Variants in EXOC5 observed in about 807,000 individuals in gnomAD.
The protein encoded by EXOC5 is SEC10-like 1.
EXOC5 carries 17 observed loss-of-function variants against 90.8 expected under a neutral mutation model. The observed-to-expected ratio is 0.19, with a 90% CI of 0.13 to 0.28. The LOEUF (loss-of-function observed/expected upper bound fraction) is 0.28, where lower values mean the gene tolerates loss of function less well. Ranked by LOEUF, EXOC5 falls within the 10% of genes least tolerant of loss-of-function variation. The probability of loss-of-function intolerance (pLI) is 1.00; values close to 1 mark genes in which losing one functional copy is unlikely to be tolerated. For synonymous variants in EXOC5, 260 were observed against 270.0 expected, an observed-to-expected ratio of 0.96 and a Z score of 0.36; for missense variants, 569 against 830.6, an observed-to-expected ratio of 0.69 and a Z score of 3.87.
Position 57,205,818 on chromosome 14 carries a change from T to C in EXOC5, c.*2791A>G, listed in dbSNP as rs1408709345. 2.3e-6 allele frequency: 1 copy of C among 441,196 alleles called. No individual in the cohort carries two copies. Among genetic ancestry groups the C allele is most frequent in the African/African-American group, 2.0e-5 (1 of 48,828 alleles). 27.3% of individuals were successfully genotyped at this position (441,196 alleles called of 1,614,324 possible). A position where few individuals can be genotyped will look rare whatever the true frequency, so the allele number is the denominator to read the frequency against. On this transcript the variant is annotated 3_prime_UTR_variant, in exon 18 of 18. Transcript: ENST00000621441. Reference sequence around the variant, plus strand: ...AAATTAGATTTTAATTTAACCTACTTTGATAGTTTTTTAAAACAAGGAAGA... The same window carrying C: ...AAATTAGATTTTAATTTAACCTACTCTGATAGTTTTTTAAAACAAGGAAGA...
At chr14:57,268,444 T>TC in intron 1 of EXOC5, 178 bp downstream of exon 1, 1 of 1,412,670 alleles carries the variant, frequency 7.1e-7, no homozygotes, top group Non-Finnish European at 9.3e-7. Flanking sequence ...CAAGCACCCC[T>TC]CCCCCATTTC....
In EXOC5 at chr14:57,202,397, TA is replaced by T. The variant is rs1882533586; in HGVS notation, c.*6211del. On this transcript the variant is annotated 3_prime_UTR_variant, in exon 18 of 18. Transcript: ENST00000621441. Reference sequence around the variant, plus strand: ...CAATGTTAACTTCCCAATTTTCATGTATTGTAGTTATACTGAAGCATTCTTT... The same window carrying T: ...CAATGTTAACTTCCCAATTTTCATGTTTGTAGTTATACTGAAGCATTCTTT... The T allele has an allele frequency of 6.6e-6, 1 of 152,200 alleles. No individual in the cohort carries two copies. The highest frequency in any genetic ancestry group is 2.4e-5 in the African/African-American group (1 of 41,448). 9.4% of individuals were successfully genotyped at this position (152,200 alleles called of 1,614,324 possible). A position where few individuals can be genotyped will look rare whatever the true frequency, so the allele number is the denominator to read the frequency against.
chr14:57,210,158 AT>A, intron 15 of EXOC5, 97 bp from the exon 16 acceptor site: 2 of 601,512 alleles, frequency 3.3e-6, no homozygotes, highest in Non-Finnish European at 5.8e-6. Context: ...CAGTTATTTA[AT>A]TTCCTATCAC....
At chr14:57,220,673 A>G (rs1883105432) in intron 13 of EXOC5, among the ~76,000 whole-genome samples, 1 of 152,028 alleles carries the variant, frequency 6.6e-6, no homozygotes, top group Admixed American at 6.6e-5. Flanking sequence ...AGTGGCATGC[A>G]CCTGTAGTTA....
intron 3 of EXOC5, among the ~76,000 whole-genome samples, chr14:57,244,736 GAAT>G (rs1347064507): frequency 6.6e-6 from 1 of 152,042 alleles, no homozygotes; most frequent in African/African-American, 2.4e-5. Context: ...AAACTGAAAA[GAAT>G]AAAAAATATG....
chr14:57,245,084 C>A (rs548844324), intron 3 of EXOC5, among the ~76,000 whole-genome samples: 24 of 151,422 alleles, frequency 1.6e-4, no homozygotes, highest in African/African-American at 5.1e-4. Flanking sequence ...TAAAATAGTT[C>A]TTTCCCAGTT....
intron 15 of EXOC5, chr14:57,211,661 G>A (rs1594646065): frequency 6.6e-6 from 1 of 152,402 alleles, no homozygotes; most frequent in Middle Eastern, 3.4e-3. Flanking sequence ...TCACTTGAGG[G>A]CAGGAGTTCG....
At chr14:57,209,498 G>C in intron 17 of EXOC5, 69 bp downstream of exon 17, 1 of 808,826 alleles carries the variant, frequency 1.2e-6, no homozygotes, top group East Asian at 2.6e-5. Context: ...TAAGTAAATA[G>C]TGATTTTTAA....
At chr14:57,268,147 T>C (rs112426924) in intron 1 of EXOC5, 4,149 of 169,770 alleles carry the variant, frequency 0.024, 201 homozygotes, top group African/African-American at 0.093. Flanking sequence ...ACCTTACTAA[T>C]GGAATAATTA....
intron 15 of EXOC5, among the ~76,000 whole-genome samples, chr14:57,212,978 G>A (rs185312117): frequency 6.8e-4 from 104 of 152,186 alleles, no homozygotes; most frequent in African/African-American, 2.4e-3. Flanking sequence ...TTTCAGCACA[G>A]AGTTTCTCCT....
chr14:57,231,150 A>AG (rs746806792), intron 11 of EXOC5, among the ~76,000 whole-genome samples: 34 of 151,922 alleles, frequency 2.2e-4, no homozygotes, highest in Non-Finnish European at 4.1e-4. Flanking sequence ...CTGGGATTAC[A>AG]GGTGTCTGCC....
intron 4 of EXOC5, among the ~76,000 whole-genome samples, chr14:57,241,949 T>C (rs553259179): frequency 5.9e-5 from 9 of 151,742 alleles, no homozygotes; most frequent in East Asian, 2.0e-4. Context: ...CTGGCTAACA[T>C]GGTGAAACCC....
At chr14:57,267,974 T>C (rs370358790) in intron 1 of EXOC5, among the ~76,000 whole-genome samples, 10 of 152,144 alleles carry the variant, frequency 6.6e-5, no homozygotes, top group Non-Finnish European at 1.2e-4. Context: ...TGTATTATTA[T>C]GTATTACATG....
At chr14:57,231,418 T>C (rs1594662064) in intron 11 of EXOC5, 88 bp downstream of exon 11, 2 of 810,640 alleles carry the variant, frequency 2.5e-6, no homozygotes, top group Non-Finnish European at 3.9e-6. Context: ...AAAATTCTAA[T>C]GATAGTCAAC....
intron 4 of EXOC5, among the ~76,000 whole-genome samples, chr14:57,241,136 G>A (rs1267145087): frequency 6.6e-6 from 1 of 152,166 alleles, no homozygotes; most frequent in Non-Finnish European, 1.5e-5. Flanking sequence ...TTACAGGCTT[G>A]AGACACCACG....
At chr14:57,260,983 A>C (rs1884487226) in intron 1 of EXOC5, among the ~76,000 whole-genome samples, 1 of 152,236 alleles carries the variant, frequency 6.6e-6, no homozygotes, top group Non-Finnish European at 1.5e-5. Context: ...AACAAGTGAA[A>C]GAATCATTTG....
At chr14:57,246,372 A>C (rs1007406590) in intron 3 of EXOC5, among the ~76,000 whole-genome samples, 4 of 152,192 alleles carry the variant, frequency 2.6e-5, no homozygotes, top group Admixed American at 6.5e-5. Context: ...ATGACTACCT[A>C]AATATCCAAG....
chr14:57,252,314 C>T (rs145048030), intron 1 of EXOC5, among the ~76,000 whole-genome samples: 1 of 152,266 alleles, frequency 6.6e-6, no homozygotes, highest in East Asian at 1.9e-4. Flanking sequence ...AACGAAGTAT[C>T]AGCAAGCCAA....
In EXOC5 at chr14:57,244,250, G is replaced by A; in HGVS notation, c.380C>T (p.Ala127Val). ...LEGVNTPRQR[A>V]VEAQKLMKYF... ...TTTCATCAATTTCTGAGCCTCCACT[G>A]CCCGTTGTCTGGGTGTGTTTACCCC... The change falls in exon 4 of 18, where the codon GCA (alanine) becomes GTA (valine). Residue 127 changes from alanine (A) to valine (V), a missense_variant. Physicochemically the swap from Ala to Val is moderately conservative, Grantham distance 64. Coordinates refer to ENST00000621441, the MANE Select transcript of EXOC5 (RefSeq NM_006544.4). The A allele has an allele frequency of 6.2e-7, 1 of 1,613,164 alleles. No individual in the cohort carries two copies. Among genetic ancestry groups the A allele is most frequent in the Non-Finnish European group, 8.5e-7 (1 of 1,179,180 alleles).
Sources: allele counts gnomAD v4.1 joint callset (sites outside exome capture counted in the v4.1 genomes callset), GRCh38; gene constraint gnomAD v4.1.1; transcripts MANE v1.5; gene names NCBI Gene and HGNC (gene_info 2026-07-23, HGNC 2026-07-21).